The following ALPK2 variants were observed in gnomAD, a reference collection of about 807,000 sequenced individuals.
The protein encoded by ALPK2 is alpha kinase 2.
In ALPK2, 127 loss-of-function variants were observed where a neutral mutation model predicts 163.1. The observed-to-expected ratio is 0.78, with a 90% CI of 0.67 to 0.90. The LOEUF is 0.90. Ranked by LOEUF, ALPK2 falls within the 40% of genes least tolerant of loss-of-function variation. The probability of loss-of-function intolerance (pLI) is 0.00; values close to 1 mark genes in which losing one functional copy is unlikely to be tolerated. For missense variants in ALPK2, 2,360 were observed against 2,589.6 expected (o/e 0.91, Z 1.92); for synonymous variants, 953 against 959.1 (o/e 0.99, Z 0.12).
At chr18:58,546,478 G>A (rs1366752845) in intron 4 of ALPK2, among the ~76,000 whole-genome samples, 2 of 152,216 alleles carry the variant, frequency 1.3e-5, no homozygotes, top group Admixed American at 1.3e-4. Context: ...TACATCTCAG[G>A]TGAGGTGAGC....
At position 58,557,688 on chromosome 18, in the gene ALPK2, GTA is replaced by G. The variant is rs1250583206; in HGVS notation, c.1963-19466_1963-19465del. On this transcript the variant is annotated intron_variant, in intron 4 of 12. Coordinates refer to ENST00000361673, the MANE Select transcript of ALPK2 (RefSeq NM_052947.4). ...TATATACGTGTGTGTGTGTGTGTGTGTATATATATATATTTATATTTTGTCAT... is the reference window on the plus strand; with the variant it reads ...TATATACGTGTGTGTGTGTGTGTGTGTATATATATATTTATATTTTGTCAT... Among the ~76,000 whole-genome samples the G allele has an allele frequency of 3.8e-3, 120 of 31,916 alleles. 1 individual carries two copies. The highest frequency in any genetic ancestry group is 5.3e-3 in the Non-Finnish European group (67 of 12,656). 20.9% of individuals were successfully genotyped at this position (31,916 alleles called of 152,430 possible). A position where few individuals can be genotyped will look rare whatever the true frequency, so the allele number is the denominator to read the frequency against.
chr18:58,522,942 T>C (rs373137851), intron 8 of ALPK2, among the ~76,000 whole-genome samples: 2 of 151,912 alleles, frequency 1.3e-5, no homozygotes, highest in South Asian at 2.1e-4. Context: ...ATTATACTTT[T>C]AGGGTACATG....
At chr18:58,548,129 C>G (rs2051728667) in intron 4 of ALPK2, among the ~76,000 whole-genome samples, 1 of 152,104 alleles carries the variant, frequency 6.6e-6, no homozygotes, top group Non-Finnish European at 1.5e-5. Flanking sequence ...TCAAAGTGTA[C>G]AGCAGTGATG....
intron 10 of ALPK2, among the ~76,000 whole-genome samples, chr18:58,504,696 A>G (rs542684465): frequency 1.3e-5 from 2 of 152,346 alleles, no homozygotes; most frequent in Admixed American, 6.5e-5. Context: ...GACTGACAAT[A>G]AACAAGTAAA....
intron 10 of ALPK2, among the ~76,000 whole-genome samples, chr18:58,510,512 T>C (rs1437921850): frequency 6.6e-5 from 10 of 152,052 alleles, no homozygotes; most frequent in Admixed American, 1.3e-4. Flanking sequence ...TCTTCCTACC[T>C]ATGAGCATGG....
chr18:58,516,805 C>T, intron 9 of ALPK2, 103 bp downstream of exon 9: 1 of 1,332,432 alleles, frequency 7.5e-7, no homozygotes, highest in Non-Finnish European at 1.0e-6. Flanking sequence ...GGAAAAACAC[C>T]CTTTTGAAGA....
At chr18:58,559,911 T>A (rs1395674786) in intron 4 of ALPK2, among the ~76,000 whole-genome samples, 2 of 152,244 alleles carry the variant, frequency 1.3e-5, no homozygotes, top group Non-Finnish European at 2.9e-5. Flanking sequence ...CTGTAACAAA[T>A]GACCACAAAT....
chr18:58,533,367 G>A (rs1017792819), intron 5 of ALPK2, among the ~76,000 whole-genome samples: 45 of 152,182 alleles, frequency 3.0e-4, no homozygotes, highest in African/African-American at 1.0e-3. Context: ...GGGGGTTGAG[G>A]CTGGTCCCCA....
chr18:58,536,179 G>C lies in ALPK2; in HGVS notation c.4008C>G (p.Pro1336=), dbSNP rs3809980. 0.76 allele frequency: 1,229,173 copies of C among 1,613,926 alleles called. 471,820 individuals carry two copies. The highest frequency in any genetic ancestry group is 0.81 in the East Asian group (36,235 of 44,868). ...GGTCCACGGATGACTCCAGGAGTCTGGGTTGGCTGAAACCCCGGGAAGAAA... is the reference window on the plus strand; with the variant it reads ...GGTCCACGGATGACTCCAGGAGTCTCGGTTGGCTGAAACCCCGGGAAGAAA... ...RSLSSRGFSQ[P]RLLESSVDPV... is the part of the protein sequence containing the mutation. Residue 1336 remains proline (P), a synonymous_variant, in exon 5 of 13, where the codon CCC becomes CCG. Transcript: ENST00000361673.
chr18:58,499,088 C>T (rs766982689), intron 11 of ALPK2, among the ~76,000 whole-genome samples: 1 of 152,100 alleles, frequency 6.6e-6, no homozygotes, highest in East Asian at 1.9e-4. Flanking sequence ...GAACCAATGG[C>T]CTGGCGAAGC....
intron 4 of ALPK2, among the ~76,000 whole-genome samples, chr18:58,554,386 T>C (rs555486262): frequency 6.6e-6 from 1 of 152,350 alleles, no homozygotes; most frequent in East Asian, 1.9e-4. Context: ...CTAGGCACCA[T>C]GGTTGCTGGT....
At chr18:58,560,362 A>G (rs1056894136) in intron 4 of ALPK2, among the ~76,000 whole-genome samples, 3 of 152,076 alleles carry the variant, frequency 2.0e-5, no homozygotes, top group East Asian at 1.9e-4. Context: ...TTTTCTTCCC[A>G]TTCTTGGGTA....
intron 3 of ALPK2, among the ~76,000 whole-genome samples, chr18:58,602,440 A>C (rs1193749430): frequency 3.3e-5 from 5 of 152,188 alleles, no homozygotes; most frequent in South Asian, 2.1e-4. Context: ...GGTCCCTCAA[A>C]GGTTCCAGGG....
rs12966859 is a variant in ALPK2, at chr18:58,521,668, G to A, written c.5665+2138C>T. ...TTTTGAGATGGAGTCTTGCTGTGTCGCCAGGCTGGGGGGCAGTGGCGTGAT... is the reference window on the plus strand; with the variant it reads ...TTTTGAGATGGAGTCTTGCTGTGTCACCAGGCTGGGGGGCAGTGGCGTGAT... On this transcript the variant is annotated intron_variant, in intron 8 of 12. Transcript: ENST00000361673. Among the ~76,000 whole-genome samples, 94 of 103,034 alleles carry A rather than the reference G, an allele frequency of 9.1e-4. 1 individual carries two copies. The highest frequency in any genetic ancestry group is 1.2e-3 in the African/African-American group (33 of 26,740). The allele number at this position is 103,034 out of a possible 152,430, so 67.6% of individuals were successfully genotyped here.
intron 4 of ALPK2, among the ~76,000 whole-genome samples, chr18:58,568,217 A>G (rs2051866628): frequency 6.6e-6 from 1 of 152,214 alleles, no homozygotes; most frequent in African/African-American, 2.4e-5. Flanking sequence ...TCTGGGATGC[A>G]TATATGGCAC....
At chr18:58,621,929 T>A (rs2052202893) in intron 1 of ALPK2, among the ~76,000 whole-genome samples, 1 of 152,070 alleles carries the variant, frequency 6.6e-6, no homozygotes, top group Admixed American at 6.5e-5. Context: ...GGATTTGTTT[T>A]GAATTTATTT....
chr18:58,596,392 G>A (rs1206568762), intron 3 of ALPK2, among the ~76,000 whole-genome samples: 2 of 152,324 alleles, frequency 1.3e-5, no homozygotes, highest in East Asian at 1.9e-4. Flanking sequence ...GCAGGCAGAC[G>A]GGCAAGCAGG....
chr18:58,561,446 G>T (rs2051825173), intron 4 of ALPK2, among the ~76,000 whole-genome samples: 1 of 152,170 alleles, frequency 6.6e-6, no homozygotes, highest in Admixed American at 6.5e-5. Flanking sequence ...TTAATGGTAG[G>T]CATTAGGAAA....
intron 4 of ALPK2, among the ~76,000 whole-genome samples, chr18:58,570,023 G>A (rs56856513): frequency 6.4e-4 from 97 of 152,120 alleles, no homozygotes; most frequent in African/African-American, 2.1e-3. Flanking sequence ...CCAGCTACTC[G>A]GAAGGCCGAG....
Sources: gnomAD v4.1 joint callset for allele counts (sites outside exome capture counted in the v4.1 genomes callset) on GRCh38, gnomAD v4.1.1 for gene constraint, MANE v1.5 for transcripts, NCBI Gene and HGNC (gene_info 2026-07-23, HGNC 2026-07-21) for gene names.